FYB1: variants seen among roughly 807,000 people sequenced by gnomAD.
The protein encoded by FYB1 is FYN binding protein 1, also known as FYN-binding protein 1.
FYB1 carries 41 observed loss-of-function variants against 94.1 expected under a neutral mutation model. The observed-to-expected ratio is 0.44, with a 90% CI of 0.34 to 0.57. The LOEUF is 0.57. FYB1 is among the 20% of genes least tolerant of loss of function. The pLI, the probability that FYB1 is intolerant of heterozygous loss-of-function variation, is 0.02. For synonymous variants in FYB1, 367 were observed against 353.2 expected (o/e 1.04, Z -0.44); for missense variants, 1,050 against 976.8 (o/e 1.07, Z -1.00).
At chr5:39,253,640 G>T (rs1679728030) in intron 1 of FYB1, among the ~76,000 whole-genome samples, 1 of 152,130 alleles carries the variant, frequency 6.6e-6, no homozygotes, top group African/African-American at 2.4e-5. Flanking sequence ...AGGTAAATGT[G>T]TGTTGTAAGG....
rs114621814 is a variant in FYB1, at chr5:39,240,729, A to T, written c.-28+33674T>A. 7.7e-3 allele frequency among the ~76,000 whole-genome samples: 1,172 copies of T among 152,332 alleles called. 25 individuals carry two copies. The highest frequency in any genetic ancestry group is 0.027 in the African/African-American group (1,112 of 41,578). On this transcript the variant is annotated intron_variant, in intron 1 of 1. Transcript: ENST00000510188. ...ATTTACACAGTGCTGGTGGATGTGTAAATTAGTTCAGCCAATGTGGAAAGC... is the reference window on the plus strand; with the variant it reads ...ATTTACACAGTGCTGGTGGATGTGTTAATTAGTTCAGCCAATGTGGAAAGC...
chr5:39,118,925 T>C lies in FYB1; in HGVS notation c.2350A>G (p.Ile784Val), dbSNP rs141054334. ...QVKPGESLEV[I>V]QTTDDTKVLC... ...ACTTTTGTGTCATCTGTGGTTTGTATAACTTCTAGAGATTCACCAGGTTTT... is the reference window on the plus strand; with the variant it reads ...ACTTTTGTGTCATCTGTGGTTTGTACAACTTCTAGAGATTCACCAGGTTTT... Residue 784 changes from isoleucine (I) to valine (V), a missense_variant, in exon 16 of 19, where the codon ATA (isoleucine) becomes GTA (valine). By Grantham distance (29) the Ile-to-Val change is conservative. Coordinates refer to ENST00000512982, the MANE Select transcript of FYB1 (RefSeq NM_001465.6). 92 of 1,565,408 alleles carry C rather than the reference T, an allele frequency of 5.9e-5. No homozygotes were observed. In the African/African-American group the frequency reaches 1.2e-3, roughly 20 times the overall value.
chr5:39,209,290 C>A (rs982481771), intron 1 of FYB1, among the ~76,000 whole-genome samples: 1 of 151,884 alleles, frequency 6.6e-6, no homozygotes, highest in African/African-American at 2.4e-5. Flanking sequence ...AATAGAACAG[C>A]AGTGATCTTT....
chr5:39,184,436 A>G (rs1317211236), intron 2 of FYB1, among the ~76,000 whole-genome samples: 2 of 152,194 alleles, frequency 1.3e-5, no homozygotes, highest in Non-Finnish European at 2.9e-5. Context: ...AATTTTGAAA[A>G]CAAAAGTTAA....
chr5:39,213,729 C>T (rs1313586460), intron 1 of FYB1, among the ~76,000 whole-genome samples: 6 of 151,990 alleles, frequency 3.9e-5, no homozygotes, highest in African/African-American at 4.8e-5. Flanking sequence ...TTAGCCCAAC[C>T]CTGGCTCCAA....
At chr5:39,120,762 A>G (rs1263525927) in intron 14 of FYB1, among the ~76,000 whole-genome samples, 2 of 152,140 alleles carry the variant, frequency 1.3e-5, no homozygotes. Flanking sequence ...TTTATTTTAA[A>G]TGTTTAATTC....
At chr5:39,108,403 AT>A (rs1738731064) in intron 17 of FYB1, 141 bp from the exon 18 acceptor site, 1 of 691,456 alleles carries the variant, frequency 1.4e-6, no homozygotes, top group Non-Finnish European at 2.2e-6. Context: ...ATAAGTAGAA[AT>A]AAATTTGATA....
intron 1 of FYB1, among the ~76,000 whole-genome samples, chr5:39,230,395 C>A (rs1163996127): frequency 6.6e-6 from 1 of 152,140 alleles, no homozygotes; most frequent in Non-Finnish European, 1.5e-5. Flanking sequence ...GAGCCTCCGC[C>A]AGAACCTCCA....
intron 2 of FYB1, among the ~76,000 whole-genome samples, chr5:39,165,386 G>A (rs1744628145): frequency 6.6e-6 from 1 of 152,048 alleles, no homozygotes; most frequent in Non-Finnish European, 1.5e-5. Flanking sequence ...ATGTACACTG[G>A]GGAAATGATA....
At chr5:39,150,591 A>G (rs1743159737) in intron 3 of FYB1, among the ~76,000 whole-genome samples, 1 of 152,332 alleles carries the variant, frequency 6.6e-6, no homozygotes, top group East Asian at 1.9e-4. Flanking sequence ...TGACATCTTC[A>G]GCCTCCTCAT....
At chr5:39,235,711 G>A (rs1333972846) in intron 1 of FYB1, among the ~76,000 whole-genome samples, 1 of 151,902 alleles carries the variant, frequency 6.6e-6, no homozygotes, top group East Asian at 1.9e-4. Context: ...AATAAATGAT[G>A]AATGAAACCT....
intron 3 of FYB1, among the ~76,000 whole-genome samples, chr5:39,144,143 C>T (rs1742431841): frequency 6.6e-6 from 1 of 152,180 alleles, no homozygotes; most frequent in Non-Finnish European, 1.5e-5. Context: ...TTCAGTTAGA[C>T]TTGTCACATC....
At chr5:39,124,064 A>T (rs1219023352) in intron 13 of FYB1, among the ~76,000 whole-genome samples, 189 bp downstream of exon 13, 1 of 152,022 alleles carries the variant, frequency 6.6e-6, no homozygotes. Context: ...AGTCTTTTTA[A>T]TTTTTCTCAT....
At chr5:39,167,442 T>G (rs1402735263) in intron 2 of FYB1, among the ~76,000 whole-genome samples, 1 of 152,260 alleles carries the variant, frequency 6.6e-6, no homozygotes, top group African/African-American at 2.4e-5. Context: ...ATTGTTTATC[T>G]TTGCAGAACT....
intron 13 of FYB1, 82 bp downstream of exon 13, chr5:39,124,171 C>T (rs373056893): frequency 2.2e-6 from 2 of 919,474 alleles, no homozygotes; most frequent in South Asian, 1.7e-5. Context: ...GACTTTAATG[C>T]AGATACTATA....
intron 1 of FYB1, chr5:39,212,746 T>G (rs1302102101): frequency 3.3e-5 from 5 of 152,222 alleles, no homozygotes; most frequent in Admixed American, 3.3e-4. Flanking sequence ...GTTTTCAATT[T>G]CAAGTTTTCC....
chr5:39,137,118 T>TTAAAA (rs3086835), intron 7 of FYB1, among the ~76,000 whole-genome samples: 63,833 of 151,400 alleles, frequency 0.42, 16,136 homozygotes, highest in African/African-American at 0.71. Flanking sequence ...GTACACAGAC[T>TTAAAA]TAAAGGCAAC....
At chr5:39,239,060 C>A (rs1190838194) in intron 1 of FYB1, among the ~76,000 whole-genome samples, 1 of 152,048 alleles carries the variant, frequency 6.6e-6, no homozygotes, top group Non-Finnish European at 1.5e-5. Flanking sequence ...AAAAACAAAA[C>A]CACATGTTCA....
intron 1 of FYB1, among the ~76,000 whole-genome samples, chr5:39,250,228 A>T (rs1751657376): frequency 6.6e-6 from 1 of 152,162 alleles, no homozygotes; most frequent in Admixed American, 6.5e-5. Flanking sequence ...ACAGGAGCTA[A>T]AGTCTTGAGA....
Sources: allele counts gnomAD v4.1 joint callset (sites outside exome capture counted in the v4.1 genomes callset), GRCh38; gene constraint gnomAD v4.1.1; transcripts MANE v1.5; gene names NCBI Gene and HGNC (gene_info 2026-07-23, HGNC 2026-07-21).